The following IL1RAPL2 variants were observed in gnomAD, a reference collection of about 807,000 sequenced individuals.
IL1RAPL2 encodes the protein interleukin 1 receptor accessory protein like 2, also known as X-linked interleukin-1 receptor accessory protein-like 2.
Under a neutral mutation model 44.1 loss-of-function variants are expected in IL1RAPL2, and 3 were observed. The observed-to-expected ratio is 0.07, with a 90% confidence interval of 0.03 to 0.18. The LOEUF (loss-of-function observed/expected upper bound fraction) is 0.18. IL1RAPL2 is among the 10% of genes least tolerant of loss of function. The pLI, the probability that IL1RAPL2 is intolerant of heterozygous loss-of-function variation, is 1.00. For synonymous variants in IL1RAPL2, 181 were observed against 178.8 expected (o/e 1.01, Z -0.10); for missense variants, 391 against 496.4 (o/e 0.79, Z 2.02).
intron 6 of IL1RAPL2, among the ~76,000 whole-genome samples, chrX:105,606,418 A>T (rs2037292914): frequency 1.8e-5 from 2 of 111,725 alleles, no homozygotes; most frequent in Non-Finnish European, 3.8e-5. Context: ...GCTTGTGAGG[A>T]TGTGGAGAAA....
intron 2 of IL1RAPL2, among the ~76,000 whole-genome samples, chrX:105,099,431 C>T (rs898199582): frequency 9.3e-4 from 80 of 85,685 alleles, no homozygotes; most frequent in Non-Finnish European, 1.2e-3. Flanking sequence ...GAGCAGGAGA[C>T]GGGTGGGAGA....
intron 5 of IL1RAPL2, among the ~76,000 whole-genome samples, chrX:105,331,378 A>T (rs1490753152): frequency 1.8e-5 from 2 of 111,791 alleles, no homozygotes; most frequent in African/African-American, 6.5e-5. Flanking sequence ...CTAAACTATG[A>T]TTATCTAATG....
intron 2 of IL1RAPL2, among the ~76,000 whole-genome samples, chrX:104,775,331 G>A (rs1041443441): frequency 3.6e-5 from 4 of 111,710 alleles, no homozygotes; most frequent in African/African-American, 9.8e-5. Context: ...AAAACACACA[G>A]GGGAGTTGCG....
intron 6 of IL1RAPL2, among the ~76,000 whole-genome samples, chrX:105,692,597 A>G (rs1394169892): frequency 2.7e-5 from 3 of 110,473 alleles, no homozygotes; most frequent in Non-Finnish European, 5.7e-5. Context: ...ATAATTACAA[A>G]GCAATATTCA....
At chrX:104,998,381 T>A (rs910186351) in intron 2 of IL1RAPL2, among the ~76,000 whole-genome samples, 1 of 110,950 alleles carries the variant, frequency 9.0e-6, no homozygotes, top group Non-Finnish European at 1.9e-5. Context: ...ATGTGACAAC[T>A]TTTTCAAGAT....
At chrX:104,782,164 G>A (rs1423621036) in intron 2 of IL1RAPL2, among the ~76,000 whole-genome samples, 1 of 111,390 alleles carries the variant, frequency 9.0e-6, no homozygotes, top group African/African-American at 3.3e-5. Flanking sequence ...ATGGCAGCTC[G>A]GATGAATGAA....
intron 7 of IL1RAPL2, among the ~76,000 whole-genome samples, chrX:105,731,609 C>T (rs1444133804): frequency 1.8e-5 from 2 of 110,717 alleles, no homozygotes. Context: ...AGTATATTTG[C>T]ACAGTGGAAT....
intron 2 of IL1RAPL2, among the ~76,000 whole-genome samples, chrX:104,781,656 T>C (rs1332608978): frequency 9.0e-6 from 1 of 111,451 alleles, no homozygotes; most frequent in Non-Finnish European, 1.9e-5. Context: ...AAAGAGAGGT[T>C]ATGGAGGTCA....
chrX:105,733,553 G>A (rs187711128), intron 7 of IL1RAPL2, among the ~76,000 whole-genome samples: 1 of 110,373 alleles, frequency 9.1e-6, no homozygotes, highest in East Asian at 2.9e-4. Flanking sequence ...ATTATTTTTT[G>A]TCCTTTTTTC....
chrX:104,721,945 T>C (rs912077919), intron 2 of IL1RAPL2, among the ~76,000 whole-genome samples: 2 of 111,466 alleles, frequency 1.8e-5, no homozygotes, highest in African/African-American at 6.5e-5. Flanking sequence ...CCTTTTGTTC[T>C]TTCTGGACAA....
intron 1 of IL1RAPL2, among the ~76,000 whole-genome samples, chrX:104,641,260 G>C (rs965608490): frequency 9.0e-6 from 1 of 111,170 alleles, no homozygotes; most frequent in Non-Finnish European, 1.9e-5. Flanking sequence ...AGGTGCCCAC[G>C]GTGGTAGACT....
intron 5 of IL1RAPL2, 41 bp downstream of exon 5, chrX:105,267,582 A>G: frequency 1.8e-6 from 2 of 1,081,946 alleles, no homozygotes; most frequent in Non-Finnish European, 2.5e-6. Flanking sequence ...ATGAGATTTT[A>G]AGTATAATTT....
chrX:104,780,142 A>G (rs1265173160), intron 2 of IL1RAPL2, among the ~76,000 whole-genome samples: 1 of 111,990 alleles, frequency 8.9e-6, no homozygotes, highest in African/African-American at 3.2e-5. Context: ...AAATTCAGGT[A>G]GGGATATATA....
intron 5 of IL1RAPL2, among the ~76,000 whole-genome samples, chrX:105,363,287 ATAAT>A (rs1357091180): frequency 2.7e-5 from 2 of 73,118 alleles, no homozygotes; most frequent in African/African-American, 2.0e-4. Context: ...GTATATATAT[ATAAT>A]ATATATATAT....
At chrX:105,607,635 C>CA (rs11377516) in intron 6 of IL1RAPL2, among the ~76,000 whole-genome samples, 8,329 of 15,465 alleles carry the variant, frequency 0.54, 2,106 homozygotes, top group Non-Finnish European at 0.58. Context: ...ATTCAGCAGA[C>CA]AAAAAAAAAA....
At chrX:104,752,776 A>G (rs1303080654) in intron 2 of IL1RAPL2, among the ~76,000 whole-genome samples, 2 of 110,691 alleles carry the variant, frequency 1.8e-5, no homozygotes, top group Non-Finnish European at 3.8e-5. Flanking sequence ...CTTTGCTACC[A>G]AATACTTCTC....
At chrX:104,726,707 C>A (rs938206120) in intron 2 of IL1RAPL2, among the ~76,000 whole-genome samples, 1 of 111,031 alleles carries the variant, frequency 9.0e-6, no homozygotes, top group African/African-American at 3.3e-5. Flanking sequence ...TATAGGAATG[C>A]TTATGATTTT....
chrX:104,694,719 T>G (rs181057375), intron 2 of IL1RAPL2, among the ~76,000 whole-genome samples: 1 of 111,457 alleles, frequency 9.0e-6, no homozygotes, highest in Admixed American at 9.6e-5. Context: ...GTGACTTCCA[T>G]TTTGTAAACT....
intron 2 of IL1RAPL2, among the ~76,000 whole-genome samples, chrX:104,846,776 T>A (rs1244298115): frequency 3.6e-5 from 4 of 112,110 alleles, no homozygotes; most frequent in Non-Finnish European, 7.5e-5. Context: ...CACCACACTG[T>A]CTTCCACAAT....
Sources: gnomAD v4.1 joint callset for allele counts (sites outside exome capture counted in the v4.1 genomes callset) on GRCh38, gnomAD v4.1.1 for gene constraint, MANE v1.5 for transcripts, NCBI Gene and HGNC (gene_info 2026-07-23, HGNC 2026-07-21) for gene names.